ARL5A: variants seen among roughly 807,000 people sequenced by gnomAD.
The protein encoded by ARL5A is ADP-ribosylation factor-like protein 5A.
In ARL5A, 18 loss-of-function variants were observed where a neutral mutation model predicts 25.9. The ratio of observed to expected loss-of-function variants is 0.69; its 90% CI spans 0.48 to 1.03. The LOEUF is 1.03. ARL5A is among the 50% of genes least tolerant of loss of function. The probability of loss-of-function intolerance (pLI) is 0.00; values close to 1 mark genes in which losing one functional copy is unlikely to be tolerated. For missense variants in ARL5A, 170 were observed against 211.9 expected (o/e 0.80, Z 1.23); for synonymous variants, 61 against 67.5 (o/e 0.90, Z 0.47).
intron 1 of ARL5A, among the ~76,000 whole-genome samples, chr2:151,820,738 G>A (rs557920464): frequency 2.3e-4 from 34 of 150,652 alleles, no homozygotes; most frequent in South Asian, 2.1e-3. Context: ...AAAGCGTGTC[G>A]GAGACAGTGA....
At chr2:151,812,559 T>C (rs1432121907) in intron 3 of ARL5A, 119 bp from the exon 4 acceptor site, 4 of 609,880 alleles carry the variant, frequency 6.6e-6, no homozygotes, top group South Asian at 3.3e-5. Context: ...TATGGTATTG[T>C]TGGAAAATCA....
intron 5 of ARL5A, among the ~76,000 whole-genome samples, chr2:151,804,059 AT>A (rs1341818806): frequency 6.6e-5 from 10 of 152,212 alleles, no homozygotes; most frequent in Non-Finnish European, 8.8e-5. Context: ...AATGGAGGAA[AT>A]AAAACCATTT....
At chr2:151,815,857 C>T (rs1452679072) in intron 1 of ARL5A, among the ~76,000 whole-genome samples, 4 of 152,092 alleles carry the variant, frequency 2.6e-5, no homozygotes, top group Admixed American at 2.6e-4. Context: ...CAGACATTCA[C>T]GTTCCCCAGA....
chr2:151,805,171 A>T (rs531641266), intron 5 of ARL5A, among the ~76,000 whole-genome samples: 36 of 152,248 alleles, frequency 2.4e-4, no homozygotes, highest in Non-Finnish European at 5.0e-4. Context: ...ATTTTTACTT[A>T]AATGAATACA....
Position 151,814,163 on chromosome 2 carries a change from C to T in ARL5A, c.255+6G>A. On this transcript the variant is annotated splice_donor_region_variant and intron_variant, in intron 3 of 5. Coordinates refer to ENST00000295087, the MANE Select transcript of ARL5A (RefSeq NM_012097.4). ...ATAGAATTTTAAATATTGTAAGAAACATTACCTCTGTGTTAGTATAGTAAG... is the reference window on the plus strand; with the variant it reads ...ATAGAATTTTAAATATTGTAAGAAATATTACCTCTGTGTTAGTATAGTAAG... 6.4e-7 allele frequency: 1 copy of T among 1,563,968 alleles called. No individual in the cohort carries two copies. Among genetic ancestry groups the T allele is most frequent in the Non-Finnish European group, 8.6e-7 (1 of 1,162,726 alleles).
rs1299732593 is a variant in ARL5A at position 151,821,855 on chromosome 2, A to G, written c.46+6276T>C. ...CCAGCTAATTTTTTAATTTATTTAT[A>G]TTTATTTATTTAGAGATGGAGTCTC... On this transcript the variant is annotated intron_variant, in intron 1 of 5. Coordinates refer to ENST00000295087, the MANE Select transcript of ARL5A (RefSeq NM_012097.4). Among the ~76,000 whole-genome samples the G allele has an allele frequency of 4.3e-5, 4 of 92,606 alleles. No homozygotes were observed. The East Asian group carries it at 8.7e-4, about 20-fold the overall frequency. The allele number at this position is 92,606 out of a possible 152,430, so 60.8% of individuals were successfully genotyped here.
At position 151,802,155 on chromosome 2, in the gene ARL5A, TAAG is replaced by T. The variant is rs1158484740; in HGVS notation, c.*1118_*1120del. The T allele has an allele frequency of 2.0e-5, 3 of 152,030 alleles. No homozygotes were observed. Among genetic ancestry groups the T allele is most frequent in the Non-Finnish European group, 2.9e-5 (2 of 67,938 alleles). The allele number at this position is 152,030 out of a possible 1,614,324, so 9.4% of individuals were successfully genotyped here. A position where few individuals can be genotyped will look rare whatever the true frequency, so the allele number is the denominator to read the frequency against. ...TCACACTATATTCCAAGTACCAAAA[TAAG>T]AAGAAATTTGCAAATTAAGAAATTA... On this transcript the variant is annotated 3_prime_UTR_variant, in exon 6 of 6. Coordinates refer to ENST00000295087, the MANE Select transcript of ARL5A (RefSeq NM_012097.4).
intron 1 of ARL5A, among the ~76,000 whole-genome samples, chr2:151,822,360 G>A (rs538826584): frequency 1.3e-5 from 2 of 152,200 alleles, no homozygotes; most frequent in East Asian, 1.9e-4. Context: ...ATAGCATGTG[G>A]GTCACAATGA....
At chr2:151,814,488 G>A (rs144682249) in intron 2 of ARL5A, among the ~76,000 whole-genome samples, 172 bp from the exon 3 acceptor site, 357 of 152,146 alleles carry the variant, frequency 2.3e-3, no homozygotes, top group African/African-American at 8.3e-3. Context: ...GAACTAGGTC[G>A]TAGGCTATCT....
intron 1 of ARL5A, among the ~76,000 whole-genome samples, chr2:151,821,880 C>T (rs1467290939): frequency 6.7e-6 from 1 of 148,882 alleles, no homozygotes; most frequent in Non-Finnish European, 1.5e-5. Context: ...GATGGAGTCT[C>T]GCCCTGTCGC....
chr2:151,828,017 C>A (rs1451914580), intron 1 of ARL5A, 114 bp downstream of exon 1: 4 of 1,176,588 alleles, frequency 3.4e-6, no homozygotes, highest in Non-Finnish European at 3.7e-6. Context: ...GCACCCCGCG[C>A]TGAGCTGGCG....
chr2:151,816,430 G>A (rs79039177), intron 1 of ARL5A, among the ~76,000 whole-genome samples: 243 of 152,234 alleles, frequency 1.6e-3, no homozygotes, highest in Non-Finnish European at 2.2e-3. Context: ...GAGCTTAGTC[G>A]ACGCGTAAGA....
chr2:151,810,042 C>A (rs2099830627), intron 4 of ARL5A, among the ~76,000 whole-genome samples: 1 of 152,116 alleles, frequency 6.6e-6, no homozygotes, highest in Non-Finnish European at 1.5e-5. Flanking sequence ...GATACGGTGC[C>A]ACTGCACTCC....
At chr2:151,822,743 T>C (rs1023166624) in intron 1 of ARL5A, among the ~76,000 whole-genome samples, 1 of 152,234 alleles carries the variant, frequency 6.6e-6, no homozygotes, top group Non-Finnish European at 1.5e-5. Context: ...TGTCACAGCA[T>C]TCCTGTATTT....
intron 1 of ARL5A, 81 bp downstream of exon 1, chr2:151,828,050 C>T: frequency 6.8e-7 from 1 of 1,480,688 alleles, no homozygotes; most frequent in Non-Finnish European, 9.3e-7. Context: ...GCCCACATTC[C>T]GAAGTATTCG....
chr2:151,809,102 T>G lies in ARL5A; in HGVS notation c.340-2130A>C, dbSNP rs963444960. On this transcript the variant is annotated intron_variant, in intron 4 of 5. Coordinates refer to ENST00000295087, the MANE Select transcript of ARL5A (RefSeq NM_012097.4). ...GTTGTTATGTGGCTGAGTCAATAAGTAGATGGACTTTCCATGGGATTTAAT... is the reference window on the plus strand; with the variant it reads ...GTTGTTATGTGGCTGAGTCAATAAGGAGATGGACTTTCCATGGGATTTAAT... Among the ~76,000 whole-genome samples the G allele has an allele frequency of 2.6e-5, 4 of 152,158 alleles. No homozygotes were observed. In the South Asian group the frequency reaches 8.3e-4, roughly 31 times the overall value.
chr2:151,803,380 C>T, intron 5 of ARL5A, 56 bp from the exon 6 acceptor site: 2 of 1,290,838 alleles, frequency 1.5e-6, no homozygotes, highest in Middle Eastern at 1.8e-4. Flanking sequence ...CTATGAGCAG[C>T]AAACTATGAA....
intron 3 of ARL5A, among the ~76,000 whole-genome samples, chr2:151,812,678 C>T (rs1373348570): frequency 4.6e-5 from 7 of 151,966 alleles, no homozygotes; most frequent in Non-Finnish European, 7.4e-5. Flanking sequence ...ATATATATAA[C>T]GCATGTCTGT....
In ARL5A at chr2:151,806,963, T is replaced by G; in HGVS notation, c.349A>C (p.Lys117Gln). The change falls in exon 5 of 6, where the codon AAA becomes CAA. Residue 117 changes from lysine (K) to glutamine (Q), a missense_variant. By Grantham distance (53) the Lys-to-Gln change is moderately conservative. Coordinates refer to ENST00000295087, the MANE Select transcript of ARL5A (RefSeq NM_012097.4). Reference sequence around the variant, plus strand: ...TTAGCAAAAATCAGCAATCCAGCTTTTCTTAGGTCCTATTAAAGCAAATAA... The same window carrying G: ...TTAGCAAAAATCAGCAATCCAGCTTGTCTTAGGTCCTATTAAAGCAAATAA... The part of the protein sequence containing the change: ...YKMLAHEDLR[K>Q]AGLLIFANKQ... The G allele has an allele frequency of 6.2e-7, 1 of 1,610,806 alleles. No individual in the cohort carries two copies. The highest frequency in any genetic ancestry group is 8.5e-7 in the Non-Finnish European group (1 of 1,178,858).
Sources: allele counts gnomAD v4.1 joint callset (sites outside exome capture counted in the v4.1 genomes callset), GRCh38; gene constraint gnomAD v4.1.1; transcripts MANE v1.5; gene names NCBI Gene and HGNC (gene_info 2026-07-23, HGNC 2026-07-21).